The following TTC28 variants were observed in gnomAD, a reference collection of about 807,000 sequenced individuals.
TTC28 encodes the protein tetratricopeptide repeat domain 28.
Under a neutral mutation model 198.0 loss-of-function variants are expected in TTC28, and 61 were observed. The ratio of observed to expected loss-of-function variants is 0.31; its 90% CI spans 0.25 to 0.38. The LOEUF is 0.38. Among genes scored for constraint, TTC28 ranks in the 10% least tolerant of loss-of-function variants. The pLI is 1.00. For missense variants in TTC28, 2,678 were observed against 3,164.0 expected, an observed-to-expected ratio of 0.85 and a Z score of 3.69; for synonymous variants, 1,171 against 1,297.8, an observed-to-expected ratio of 0.90 and a Z score of 2.10.
At chr22:28,139,163 C>G (rs965494176) in intron 6 of TTC28, among the ~76,000 whole-genome samples, 1 of 152,160 alleles carries the variant, frequency 6.6e-6, no homozygotes, top group Non-Finnish European at 1.5e-5. Flanking sequence ...ATGCATTGTG[C>G]TGGAGGACAC....
At chr22:27,992,483 G>T in intron 19 of TTC28, 104 bp downstream of exon 19, 1 of 1,170,298 alleles carries the variant, frequency 8.5e-7, no homozygotes, top group South Asian at 1.5e-5. Context: ...CAAAGGCGGT[G>T]AGACTGCATT....
At chr22:28,534,244 TGGGTGAAG>T (rs2049212756) in intron 2 of TTC28, among the ~76,000 whole-genome samples, 1 of 151,988 alleles carries the variant, frequency 6.6e-6, no homozygotes, top group African/African-American at 2.4e-5. Context: ...CATCAAAAAG[TGGGTGAAG>T]GATATGAACA....
chr22:28,442,286 C>A (rs1232386622), intron 2 of TTC28, among the ~76,000 whole-genome samples: 1 of 152,222 alleles, frequency 6.6e-6, no homozygotes, highest in African/African-American at 2.4e-5. Context: ...ATCGCACGGG[C>A]CCACGAGGCC....
chr22:28,545,399 G>C (rs1185463687), intron 2 of TTC28, among the ~76,000 whole-genome samples: 1 of 151,924 alleles, frequency 6.6e-6, no homozygotes, highest in African/African-American at 2.4e-5. Flanking sequence ...GTGAGACCCT[G>C]TCTCTACAAA....
intron 2 of TTC28, among the ~76,000 whole-genome samples, chr22:28,597,829 T>C (rs1413653218): frequency 6.6e-6 from 1 of 152,096 alleles, no homozygotes; most frequent in Non-Finnish European, 1.5e-5. Context: ...TTTTGCTCTG[T>C]CACCCAGGCT....
At chr22:28,315,411 C>A (rs1241327499) in intron 2 of TTC28, among the ~76,000 whole-genome samples, 2 of 152,002 alleles carry the variant, frequency 1.3e-5, no homozygotes, top group Non-Finnish European at 2.9e-5. Flanking sequence ...ATGATATCTA[C>A]TTCTCCATTT....
At chr22:27,991,367 T>TA (rs748596621) in intron 19 of TTC28, among the ~76,000 whole-genome samples, 92 of 152,342 alleles carry the variant, frequency 6.0e-4, no homozygotes, top group South Asian at 1.7e-3. Flanking sequence ...CAGGATGCTT[T>TA]AATATGCAGT....
chr22:28,203,115 G>A (rs1182556979), intron 5 of TTC28, among the ~76,000 whole-genome samples: 1 of 151,964 alleles, frequency 6.6e-6, no homozygotes, highest in African/African-American at 2.4e-5. Flanking sequence ...ATGCTTATTT[G>A]CGCATATTAA....
intron 2 of TTC28, among the ~76,000 whole-genome samples, chr22:28,416,951 A>G (rs1013168338): frequency 2.0e-4 from 30 of 152,224 alleles, no homozygotes; most frequent in African/African-American, 7.2e-4. Flanking sequence ...CCATAATATT[A>G]ATAACTTTCC....
At chr22:28,110,502 G>A (rs776783915) in intron 6 of TTC28, among the ~76,000 whole-genome samples, 1 of 152,152 alleles carries the variant, frequency 6.6e-6, no homozygotes, top group Non-Finnish European at 1.5e-5. Context: ...TTCCAGGAAA[G>A]GAAATTCTTA....
At chr22:28,483,093 G>A (rs909011837) in intron 2 of TTC28, among the ~76,000 whole-genome samples, 1 of 152,096 alleles carries the variant, frequency 6.6e-6, no homozygotes, top group Non-Finnish European at 1.5e-5. Flanking sequence ...AAGGTCATAT[G>A]GTAATTCTAT....
chr22:28,065,577 C>T (rs1940718066), intron 12 of TTC28, among the ~76,000 whole-genome samples: 15 of 152,188 alleles, frequency 9.9e-5, no homozygotes, highest in Admixed American at 9.8e-4. Flanking sequence ...AAACTGAGGG[C>T]CAGTGAGCTC....
chr22:28,568,748 C>T (rs979863004), intron 2 of TTC28, among the ~76,000 whole-genome samples: 3 of 152,120 alleles, frequency 2.0e-5, no homozygotes, highest in Non-Finnish European at 2.9e-5. Context: ...GAATAAGAGT[C>T]GATACTGTTA....
intron 6 of TTC28, among the ~76,000 whole-genome samples, chr22:28,113,376 T>C (rs1942541893): frequency 6.6e-6 from 1 of 152,210 alleles, no homozygotes; most frequent in Non-Finnish European, 1.5e-5. Flanking sequence ...CAAATCACCA[T>C]CTATTCTCAG....
intron 2 of TTC28, among the ~76,000 whole-genome samples, chr22:28,340,802 A>G (rs941869163): frequency 3.9e-5 from 6 of 152,240 alleles, no homozygotes; most frequent in African/African-American, 1.4e-4. Flanking sequence ...AGACCAAAGA[A>G]AAAGTCAAAA....
intron 2 of TTC28, among the ~76,000 whole-genome samples, chr22:28,494,134 T>C (rs2048419157): frequency 6.6e-6 from 1 of 152,190 alleles, no homozygotes; most frequent in Non-Finnish European, 1.5e-5. Flanking sequence ...TTTAAAAATG[T>C]CTTTTTCCTT....
chr22:27,990,862 G>C, intron 19 of TTC28, 50 bp from the exon 20 acceptor site: 22 of 1,501,896 alleles, frequency 1.5e-5, no homozygotes, highest in African/African-American at 2.8e-5. Flanking sequence ...AAAGAAGAGA[G>C]TTTAGACTCA....
intron 2 of TTC28, among the ~76,000 whole-genome samples, chr22:28,609,185 T>C (rs1340396467): frequency 6.6e-6 from 1 of 152,200 alleles, no homozygotes; most frequent in Non-Finnish European, 1.5e-5. Flanking sequence ...GTGAGCAATA[T>C]CTTACCAAAT....
At chr22:28,096,111 C>A in intron 11 of TTC28, 79 bp downstream of exon 11, 1 of 1,444,586 alleles carries the variant, frequency 6.9e-7, no homozygotes, top group Non-Finnish European at 9.1e-7. Context: ...TATGATAATG[C>A]ACCTATTCCA....
Sources: allele counts gnomAD v4.1 joint callset (sites outside exome capture counted in the v4.1 genomes callset), GRCh38; gene constraint gnomAD v4.1.1; transcripts MANE v1.5; gene names NCBI Gene and HGNC (gene_info 2026-07-23, HGNC 2026-07-21).